RAB11FIP1: variants seen among roughly 807,000 people sequenced by gnomAD.
RAB11FIP1 encodes the protein rab11 family-interacting protein 1.
RAB11FIP1 carries 49 observed loss-of-function variants against 83.1 expected under a neutral mutation model. The ratio of observed to expected loss-of-function variants is 0.59; its 90% CI spans 0.47 to 0.75. The LOEUF is 0.75. RAB11FIP1 is among the 30% of genes least tolerant of loss of function. The pLI is 0.00. For synonymous variants in RAB11FIP1, 670 were observed against 656.0 expected (o/e 1.02, Z -0.33); for missense variants, 1,536 against 1,598.7 (o/e 0.96, Z 0.67).
chr8:37,874,791 C>A lies in RAB11FIP1; in HGVS notation c.1346G>T (p.Gly449Val), dbSNP rs767418217. The A allele has an allele frequency of 3.7e-6, 6 of 1,614,070 alleles. No homozygotes were observed. Among genetic ancestry groups the A allele is most frequent in the Non-Finnish European group, 5.1e-6 (6 of 1,180,040 alleles). ...LMTGKKDVAKGSEGENPLTVP... is the reference protein window; with the variant it reads ...LMTGKKDVAKVSEGENPLTVP... ...CGTGAGAGGGTTTTCACCTTCACTG[C>A]CCTTAGCCACATCCTTCTTCCCCGT... Residue 449 changes from glycine (G) to valine (V), a missense_variant, in exon 3 of 6, where the codon GGC becomes GTC. Coordinates refer to ENST00000330843, the MANE Select transcript of RAB11FIP1 (RefSeq NM_001002814.3).
intron 1 of RAB11FIP1, among the ~76,000 whole-genome samples, chr8:37,885,858 T>C (rs1473668109): frequency 2.6e-5 from 4 of 152,008 alleles, no homozygotes; most frequent in Non-Finnish European, 5.9e-5. Context: ...GAACATGGAG[T>C]TGGCTTCCCA....
In RAB11FIP1 at chr8:37,862,497, A is replaced by G. The variant is rs1423770948; in HGVS notation, c.*398T>C. On this transcript the variant is annotated 3_prime_UTR_variant, in exon 6 of 6. Transcript: ENST00000330843. ...TCCTTTTCTCATTTAAAGCTTTCTC[A>G]GGTAAGCTTTAAGAGCTGGAGGATA... The G allele has an allele frequency of 1.2e-5, 2 of 170,308 alleles. No homozygotes were observed. The highest frequency in any genetic ancestry group is 4.8e-5 in the African/African-American group (2 of 41,874). 10.5% of individuals were successfully genotyped at this position (170,308 alleles called of 1,614,324 possible). A position where few individuals can be genotyped will look rare whatever the true frequency, so the allele number is the denominator to read the frequency against.
intron 1 of RAB11FIP1, among the ~76,000 whole-genome samples, chr8:37,895,645 T>C (rs1807074599): frequency 6.6e-6 from 1 of 152,030 alleles, no homozygotes; most frequent in African/African-American, 2.4e-5. Context: ...CACACATTCT[T>C]CCCTACTAGA....
intron 4 of RAB11FIP1, chr8:37,871,048 C>T (rs575805816): frequency 2.0e-6 from 1 of 506,742 alleles, no homozygotes; most frequent in East Asian, 3.5e-5. Flanking sequence ...CAAATCTGAC[C>T]GTGCAGAACA....
chr8:37,872,502 G>T lies in RAB11FIP1; in HGVS notation c.2300C>A (p.Ala767Glu). ...GSLVESKARD[A>E]AEEVAPPLPM... ...AAGAGGGGGCGCCACTTCTTCAGCT[G>T]CATCCCTGGCTTTGCTCTCCACAAG... Residue 767 changes from alanine (A) to glutamate (E), a missense_variant, in exon 4 of 6, where the codon GCA becomes GAA. Ala to Glu is a moderately radical substitution (Grantham distance 107). Coordinates refer to ENST00000330843, the MANE Select transcript of RAB11FIP1 (RefSeq NM_001002814.3). 6.2e-7 allele frequency: 1 copy of T among 1,614,110 alleles called. No homozygotes were observed. Among genetic ancestry groups the T allele is most frequent in the South Asian group, 1.1e-5 (1 of 91,078 alleles).
At chr8:37,870,278 C>T (rs1380947196) in intron 5 of RAB11FIP1, 142 bp downstream of exon 5, 1 of 507,174 alleles carries the variant, frequency 2.0e-6, no homozygotes. Context: ...TGGGGGCTTC[C>T]AAAGTTTACT....
In RAB11FIP1 at chr8:37,861,817, G is replaced by A. The variant is rs1201521280; in HGVS notation, c.*1078C>T. 3 of 321,466 alleles carry A rather than the reference G, an allele frequency of 9.3e-6. No homozygotes were observed. The highest frequency in any genetic ancestry group is 2.4e-5 in the South Asian group (1 of 41,696). 19.9% of individuals were successfully genotyped at this position (321,466 alleles called of 1,614,324 possible). Reference sequence around the variant, plus strand: ...TTGGTCAGGCTGGTCTCGAACTCCTGACCTCAAGTGATCCACCCTCCTCGG... The same window carrying A: ...TTGGTCAGGCTGGTCTCGAACTCCTAACCTCAAGTGATCCACCCTCCTCGG... On this transcript the variant is annotated 3_prime_UTR_variant, in exon 6 of 6. Transcript: ENST00000330843.
chr8:37,899,428 A>G lies in RAB11FIP1; in HGVS notation c.14T>C (p.Val5Ala), dbSNP rs1471637381. The change falls in exon 1 of 6, where the codon GTC becomes GCC. Residue 5 changes from valine (V) to alanine (A), a missense_variant. Transcript: ENST00000330843. This position sits in a 1 kb window ranked among gnomAD's most constrained non-coding sequence, Gnocchi z 4.5. MSLM[V>A]SAGRGLGAVW... is the part of the protein sequence containing the mutation. Reference sequence around the variant, plus strand: ...GGCCCCCAGGCCCCGGCCAGCCGAGACCATTAGGGACATGGTGACGATAAC... The same window carrying G: ...GGCCCCCAGGCCCCGGCCAGCCGAGGCCATTAGGGACATGGTGACGATAAC... 6 of 1,563,212 alleles carry G rather than the reference A, an allele frequency of 3.8e-6. No individual in the cohort carries two copies. The African/African-American group carries it at 4.2e-5, about 11-fold the overall frequency.
rs1487047492 is a variant in RAB11FIP1 at position 37,874,765 on chromosome 8, C to T, written c.1372G>A (p.Val458Ile). ...ATGCCTTCCTTCTCCCTCCCTGGGACCGTGAGAGGGTTTTCACCTTCACTG... is the reference window on the plus strand; with the variant it reads ...ATGCCTTCCTTCTCCCTCCCTGGGATCGTGAGAGGGTTTTCACCTTCACTG... ...KGSEGENPLT[V>I]PGREKEGMLM... The change falls in exon 3 of 6, where the codon GTC becomes ATC. Residue 458 changes from valine (V) to isoleucine (I), a missense_variant. Transcript: ENST00000330843. 1 of 1,614,252 alleles carries T rather than the reference C, an allele frequency of 6.2e-7. No homozygotes were observed. The highest frequency in any genetic ancestry group is 1.1e-5 in the South Asian group (1 of 91,086).
At position 37,860,240 on chromosome 8, in the gene RAB11FIP1, CAT is replaced by C. The variant is rs1169088751; in HGVS notation, c.*2653_*2654del. ...CAGCTCTCCAATGGAAGAAGAACCA[CAT>C]AGAGCACACCTGCCCCCCAGGGCAC... is the stretch of plus-strand genomic sequence containing the variant. On this transcript the variant is annotated 3_prime_UTR_variant, in exon 6 of 6. Transcript: ENST00000330843. 1 of 152,762 alleles carries C rather than the reference CAT, an allele frequency of 6.5e-6. No homozygotes were observed. The highest frequency in any genetic ancestry group is 1.5e-5 in the Non-Finnish European group (1 of 68,136). The allele number at this position is 152,762 out of a possible 1,614,324, so 9.5% of individuals were successfully genotyped here.
intron 1 of RAB11FIP1, among the ~76,000 whole-genome samples, chr8:37,881,685 C>T (rs776944548): frequency 1.3e-5 from 2 of 152,164 alleles, no homozygotes; most frequent in Non-Finnish European, 2.9e-5. Context: ...TGTTGCAAGA[C>T]GCAAGGTCTT....
intron 1 of RAB11FIP1, among the ~76,000 whole-genome samples, chr8:37,881,044 G>A (rs974461231): frequency 6.6e-6 from 1 of 152,118 alleles, no homozygotes; most frequent in Admixed American, 6.5e-5. Flanking sequence ...CCACTGCTAC[G>A]GCTCCTTCTA....
chr8:37,899,148 G>C lies in RAB11FIP1; in HGVS notation c.294C>G (p.Leu98=). The change falls in exon 1 of 6, where the codon CTC becomes CTG. Residue 98 remains leucine, a synonymous_variant. Transcript: ENST00000330843. The surrounding 1 kb of genome is among the most constrained non-coding windows in gnomAD (Gnocchi z 4.5). ...LQLTVLHRAL[L]GLDKFLGRAE... ...CGCGGCCCAGGAACTTGTCGAGGCC[G>C]AGCAGCGCGCGGTGCAGCACGGTGA... The C allele has an allele frequency of 1.9e-6, 3 of 1,545,730 alleles. No individual in the cohort carries two copies. Among genetic ancestry groups the C allele is most frequent in the Non-Finnish European group, 2.6e-6 (3 of 1,155,554 alleles).
chr8:37,875,712 T>C (rs928840849), intron 2 of RAB11FIP1, among the ~76,000 whole-genome samples: 3 of 152,074 alleles, frequency 2.0e-5, no homozygotes, highest in East Asian at 3.9e-4. Context: ...GATAAGGCTA[T>C]ATCCCACGAG....
intron 1 of RAB11FIP1, among the ~76,000 whole-genome samples, chr8:37,879,635 C>T (rs1806696088): frequency 6.6e-6 from 1 of 152,030 alleles, no homozygotes; most frequent in Non-Finnish European, 1.5e-5. Context: ...GTAATCCCAG[C>T]ACTTTGGGAG....
At position 37,862,944 on chromosome 8, in the gene RAB11FIP1, T is replaced by C. The variant is rs139421494; in HGVS notation, c.3803A>G (p.Asn1268Ser). Reference sequence around the variant, plus strand: ...AACCTGAGTCGGGATGCGGAGGATATTGGGGGTTTCTTCCATGACCCTGAC... The same window carrying C: ...AACCTGAGTCGGGATGCGGAGGATACTGGGGGTTTCTTCCATGACCCTGAC... Reference protein sequence around the residue: ...LLVRVMEETPNILRIPTQVGK... With the variant: ...LLVRVMEETPSILRIPTQVGK... The change falls in exon 6 of 6, where the codon AAT becomes AGT. Residue 1268 changes from asparagine (N) to serine (S), a missense_variant. By Grantham distance (46) the Asn-to-Ser change is conservative. Coordinates refer to ENST00000330843, the MANE Select transcript of RAB11FIP1 (RefSeq NM_001002814.3). 86 of 1,613,896 alleles carry C rather than the reference T, an allele frequency of 5.3e-5. No individual in the cohort carries two copies. Among genetic ancestry groups the C allele is most frequent in the Non-Finnish European group, 6.9e-5 (81 of 1,179,932 alleles).
chr8:37,890,551 G>A (rs1806926988), intron 1 of RAB11FIP1, among the ~76,000 whole-genome samples: 1 of 152,106 alleles, frequency 6.6e-6, no homozygotes, highest in African/African-American at 2.4e-5. Context: ...TCGTCTCCCT[G>A]CAGGAGAGGA....
rs1341023702 is a variant in RAB11FIP1, at chr8:37,875,087, T to C, written c.1050A>G (p.Arg350=). The C allele has an allele frequency of 5.6e-6, 9 of 1,614,036 alleles. No individual in the cohort carries two copies. The highest frequency in any genetic ancestry group is 1.3e-5 in the African/African-American group (1 of 74,914). Residue 350 remains arginine (R), a synonymous_variant, in exon 3 of 6, where the codon AGA becomes AGG. Coordinates refer to ENST00000330843, the MANE Select transcript of RAB11FIP1 (RefSeq NM_001002814.3). ...PSSSPSPKGF[R]KKHLFSSTEN... is the part of the protein sequence containing the mutation. ...CTGTAGAAGAGAACAAATGCTTCTTTCTGAAGCCCTTGGGGGATGGGGAGG... is the reference window on the plus strand; with the variant it reads ...CTGTAGAAGAGAACAAATGCTTCTTCCTGAAGCCCTTGGGGGATGGGGAGG...
intron 1 of RAB11FIP1, chr8:37,877,775 A>G (rs989425908): frequency 9.5e-6 from 4 of 418,900 alleles, no homozygotes; most frequent in Admixed American, 4.8e-5. Flanking sequence ...GCTGGAGTGC[A>G]ATGCCACCAT....
Sources: gnomAD v4.1 joint callset for allele counts (sites outside exome capture counted in the v4.1 genomes callset) on GRCh38, gnomAD v4.1.1 for gene constraint, Gnocchi (gnomAD v3.1) non-coding constraint, MANE v1.5 for transcripts, NCBI Gene and HGNC (gene_info 2026-07-23, HGNC 2026-07-21) for gene names.